Variants in PLEKHM3 observed in about 807,000 individuals in gnomAD.
PLEKHM3 encodes pleckstrin homology domain containing M3, also known as pleckstrin homology domain-containing family M member 3.
In PLEKHM3, 45 loss-of-function variants were observed where a neutral mutation model predicts 81.8. The ratio of observed to expected loss-of-function variants is 0.55; its 90% CI spans 0.43 to 0.71. The LOEUF is 0.71. Ranked by LOEUF, PLEKHM3 falls within the 30% of genes least tolerant of loss-of-function variation. The pLI is 0.00. For missense variants in PLEKHM3, 788 were observed against 924.3 expected, an observed-to-expected ratio of 0.85 and a Z score of 1.91; for synonymous variants, 352 against 356.4, an observed-to-expected ratio of 0.99 and a Z score of 0.14.
chr2:207,973,054 A>G (rs892484252), intron 3 of PLEKHM3, among the ~76,000 whole-genome samples: 1 of 152,276 alleles, frequency 6.6e-6, no homozygotes, highest in Admixed American at 6.5e-5. Flanking sequence ...GGGGCACACT[A>G]AAACCATGAA....
At chr2:207,880,789 CCAAAAAAACAAACAAACAAAAAAAAA>C in intron 6 of PLEKHM3, among the ~76,000 whole-genome samples, 1 of 25,096 alleles carries the variant, frequency 4.0e-5, no homozygotes, top group Non-Finnish European at 9.2e-5. Flanking sequence ...AAAAAAAAAA[CCAAAAAAACAAACAAACAAAAAAAAA>C]CAAAAAAACA....
intron 3 of PLEKHM3, among the ~76,000 whole-genome samples, chr2:207,961,975 T>C (rs1460041730): frequency 6.6e-6 from 1 of 152,222 alleles, no homozygotes; most frequent in East Asian, 1.9e-4. Flanking sequence ...CCTGGGCTAC[T>C]GTATAACAAT....
At chr2:207,972,111 A>T (rs1691142162) in intron 3 of PLEKHM3, among the ~76,000 whole-genome samples, 1 of 152,252 alleles carries the variant, frequency 6.6e-6, no homozygotes, top group Non-Finnish European at 1.5e-5. Flanking sequence ...GAAGGCAAGG[A>T]CCATGTCTGC....
intron 3 of PLEKHM3, among the ~76,000 whole-genome samples, chr2:207,967,594 T>C (rs1333012440): frequency 6.6e-6 from 1 of 152,226 alleles, no homozygotes; most frequent in East Asian, 1.9e-4. Flanking sequence ...TTTATCCAGG[T>C]AATTATAGTT....
At chr2:208,006,883 A>C (rs927009106) in intron 1 of PLEKHM3, among the ~76,000 whole-genome samples, 2 of 152,260 alleles carry the variant, frequency 1.3e-5, no homozygotes, top group African/African-American at 4.8e-5. Flanking sequence ...CTATGCATGC[A>C]TCAAAACGAA....
chr2:207,915,088 T>C (rs1486728270), intron 5 of PLEKHM3, among the ~76,000 whole-genome samples: 2 of 152,208 alleles, frequency 1.3e-5, no homozygotes, highest in Non-Finnish European at 2.9e-5. Context: ...TAGAAGATCA[T>C]GAAAACCAAC....
At chr2:207,936,892 T>C (rs1689775001) in intron 4 of PLEKHM3, among the ~76,000 whole-genome samples, 3 of 151,794 alleles carry the variant, frequency 2.0e-5, no homozygotes, top group Non-Finnish European at 4.4e-5. Flanking sequence ...TAAATATGCA[T>C]GTAAAATTCA....
At chr2:207,858,171 T>C (rs1472388314) in intron 7 of PLEKHM3, among the ~76,000 whole-genome samples, 1 of 108,876 alleles carries the variant, frequency 9.2e-6, no homozygotes. Context: ...TGTGTGTGTG[T>C]GTGTATATAT....
chr2:208,022,809 G>A (rs1057385736), intron 1 of PLEKHM3, among the ~76,000 whole-genome samples: 1 of 152,094 alleles, frequency 6.6e-6, no homozygotes, highest in Admixed American at 6.5e-5. Flanking sequence ...TAACATAATT[G>A]AGAAAGTGAT....
At chr2:207,858,180 A>ATATATATATTTT (rs751293954) in intron 7 of PLEKHM3, among the ~76,000 whole-genome samples, 7 of 103,846 alleles carry the variant, frequency 6.7e-5, no homozygotes, top group African/African-American at 2.6e-4. Context: ...GTGTGTATAT[A>ATATATATATTTT]TTTTTTTTTT....
At chr2:207,862,607 C>T (rs1349853317) in intron 6 of PLEKHM3, among the ~76,000 whole-genome samples, 1 of 151,928 alleles carries the variant, frequency 6.6e-6, no homozygotes, top group African/African-American at 2.4e-5. Flanking sequence ...CATTGCACTC[C>T]AGCCTGGGCA....
intron 6 of PLEKHM3, among the ~76,000 whole-genome samples, chr2:207,897,247 G>T (rs569407217): frequency 6.6e-6 from 1 of 152,168 alleles, no homozygotes; most frequent in African/African-American, 2.4e-5. Context: ...ACATGAGGGG[G>T]AAAACTGAGA....
chr2:207,908,001 T>C (rs1320211110), intron 6 of PLEKHM3, among the ~76,000 whole-genome samples: 2 of 152,232 alleles, frequency 1.3e-5, no homozygotes, highest in Non-Finnish European at 2.9e-5. Flanking sequence ...TTTATCCATA[T>C]TGTAGCATGC....
At chr2:207,897,126 G>C (rs574508785) in intron 6 of PLEKHM3, among the ~76,000 whole-genome samples, 2 of 152,274 alleles carry the variant, frequency 1.3e-5, no homozygotes, top group East Asian at 1.9e-4. Flanking sequence ...GATCATCCTG[G>C]AGGCAAAAGG....
At position 207,840,811 on chromosome 2, in the gene PLEKHM3, T is replaced by A. The variant is rs536661058; in HGVS notation, c.2109-12315A>T. On this transcript the variant is annotated intron_variant, in intron 7 of 7. Transcript: ENST00000427836. ...TAACACTTTTTATGTTTTTTTTTTT[T>A]TTTTTTTTTTTGAGACAGAGTCTCT... 3.7e-3 allele frequency among the ~76,000 whole-genome samples: 509 copies of A among 138,250 alleles called. 4 individuals carry two copies. Among genetic ancestry groups the A allele is most frequent in the African/African-American group, 0.012 (415 of 34,648 alleles). The allele number at this position is 138,250 out of a possible 152,430, so 90.7% of individuals were successfully genotyped here. A position where few individuals can be genotyped will look rare whatever the true frequency, so the allele number is the denominator to read the frequency against.
chr2:207,873,641 C>A (rs2092546109), intron 6 of PLEKHM3, among the ~76,000 whole-genome samples: 1 of 152,220 alleles, frequency 6.6e-6, no homozygotes, highest in South Asian at 2.1e-4. Flanking sequence ...CTGCTGAGCT[C>A]CATTCAAAGA....
chr2:207,923,101 T>C (rs1215517723), intron 5 of PLEKHM3, among the ~76,000 whole-genome samples: 1 of 151,952 alleles, frequency 6.6e-6, no homozygotes, highest in African/African-American at 2.4e-5. Flanking sequence ...ACAGGAACCA[T>C]GTGGAAGTTA....
At chr2:207,870,330 T>C (rs941708897) in intron 6 of PLEKHM3, among the ~76,000 whole-genome samples, 43 of 152,214 alleles carry the variant, frequency 2.8e-4, no homozygotes, top group African/African-American at 1.0e-3. Flanking sequence ...TCAATTTACC[T>C]TCCATTTCAA....
intron 7 of PLEKHM3, among the ~76,000 whole-genome samples, chr2:207,844,255 C>G (rs1372188440): frequency 6.6e-6 from 1 of 150,608 alleles, no homozygotes; most frequent in Non-Finnish European, 1.5e-5. Context: ...TTTGTGTACT[C>G]TATTATGCTA....
Sources: gnomAD v4.1 joint callset for allele counts (sites outside exome capture counted in the v4.1 genomes callset) on GRCh38, gnomAD v4.1.1 for gene constraint, MANE v1.5 for transcripts, NCBI Gene and HGNC (gene_info 2026-07-23, HGNC 2026-07-21) for gene names.